The following ADAMTS1 variants were observed in gnomAD, a reference collection of about 807,000 sequenced individuals.
ADAMTS1 encodes the protein ADAM metallopeptidase with thrombospondin type 1 motif 1.
A neutral mutation model predicts 87.9 loss-of-function variants in ADAMTS1; 19 were observed. The ratio of observed to expected loss-of-function variants is 0.22; its 90% CI spans 0.15 to 0.32. ADAMTS1 has a LOEUF of 0.32. ADAMTS1 is among the 10% of genes least tolerant of loss of function. The pLI is 1.00. For synonymous variants in ADAMTS1, 542 were observed against 501.8 expected (o/e 1.08, Z -1.07); for missense variants, 1,240 against 1,259.1 (o/e 0.98, Z 0.23).
chr21:26,837,595 A>G lies in ADAMTS1; in HGVS notation c.2888T>C (p.Met963Thr), dbSNP rs1985393679. The change falls in exon 9 of 9, where the codon ATG becomes ACG. Residue 963 changes from methionine to threonine, a missense_variant. Coordinates refer to ENST00000284984, the MANE Select transcript of ADAMTS1 (RefSeq NM_006988.5). The stretch of plus-strand genomic sequence containing the variant: ...TTAAACCACTTAACTGCATTCTGCC[A>G]TTGTGCAAAAGTCTATGAAATGTTT... ...KPKHFIDFCT[M>T]AECS The G allele has an allele frequency of 1.2e-6, 2 of 1,613,854 alleles. No individual in the cohort carries two copies. Among genetic ancestry groups the G allele is most frequent in the Admixed American group, 1.7e-5 (1 of 59,992 alleles).
In ADAMTS1 at chr21:26,838,094, C is replaced by T. The variant is rs372308008; in HGVS notation, c.2389G>A (p.Val797Ile). Residue 797 changes from valine to isoleucine, a missense_variant, in exon 9 of 9, where the codon GTT becomes ATT. This residue lies in a region of ADAMTS1 where 402 missense variants were observed against 399.1 expected (regional missense o/e 1.01). Transcript: ENST00000284984. ...TLEQDIMYKG[V>I]VLRYSGSSAA... ...GAGGAGCCGCTGTACCTCAAGACAA[C>T]ACCTTTGTACATAATGTCTTGCTCT... 1 of 1,614,162 alleles carries T rather than the reference C, an allele frequency of 6.2e-7. No homozygotes were observed. The highest frequency in any genetic ancestry group is 8.5e-7 in the Non-Finnish European group (1 of 1,180,012).
chr21:26,841,738 A>G lies in ADAMTS1; in HGVS notation c.1210+120T>C, dbSNP rs1601923287. On this transcript the variant is annotated intron_variant, in intron 3 of 8. Transcript: ENST00000284984. ...GAAATAGTGACAAAATATTTTCTATAGTTTCTAAGATGCACTAGGACCTAA... is the reference window on the plus strand; with the variant it reads ...GAAATAGTGACAAAATATTTTCTATGGTTTCTAAGATGCACTAGGACCTAA... 4.4e-6 allele frequency: 5 copies of G among 1,133,990 alleles called. No individual in the cohort carries two copies. In the East Asian group the frequency reaches 1.3e-4, roughly 28 times the overall value. 70.2% of individuals were successfully genotyped at this position (1,133,990 alleles called of 1,614,324 possible).
At chr21:26,844,161 C>G (rs1985556361) in intron 1 of ADAMTS1, 64 bp downstream of exon 1, 1 of 1,500,914 alleles carries the variant, frequency 6.7e-7, no homozygotes, top group Non-Finnish European at 8.9e-7. Flanking sequence ...CCTGAAGTCG[C>G]GTGGGATAGA....
At chr21:26,840,967 C>T in intron 4 of ADAMTS1, 31 bp downstream of exon 4, 1 of 1,589,612 alleles carries the variant, frequency 6.3e-7, no homozygotes, top group South Asian at 1.1e-5. Flanking sequence ...AGGTTGGATG[C>T]CATCTAGAGA....
rs1276424562 is a variant in ADAMTS1 at position 26,845,070 on chromosome 21, T to A, written c.-116A>T. The stretch of plus-strand genomic sequence containing the variant: ...GGATTGTTAAAATTAACAATTTCTA[T>A]TATTCGTTGGAAGGGCGCGCAGAGC... On this transcript the variant is annotated 5_prime_UTR_variant, in exon 1 of 9. Coordinates refer to ENST00000284984, the MANE Select transcript of ADAMTS1 (RefSeq NM_006988.5). 7.8e-7 allele frequency: 1 copy of A among 1,280,822 alleles called. No homozygotes were observed. Among genetic ancestry groups the A allele is most frequent in the Non-Finnish European group, 9.9e-7 (1 of 1,006,078 alleles). 79.3% of individuals were successfully genotyped at this position (1,280,822 alleles called of 1,614,324 possible).
chr21:26,842,465 C>T lies in ADAMTS1; in HGVS notation c.951G>A (p.Lys317=), dbSNP rs1267317157. Residue 317 remains lysine (K), a synonymous_variant, in exon 2 of 9, where the codon AAG becomes AAA. Transcript: ENST00000284984. ...VKILVIHDEQ[K]GPEVTSNAAL... ...CAGCATTGGAGGTCACTTCCGGCCC[C>T]TTCTGTTCATCGTGGATGACCAAGA... The T allele has an allele frequency of 6.2e-7, 1 of 1,613,936 alleles. No individual in the cohort carries two copies. Among genetic ancestry groups the T allele is most frequent in the Admixed American group, 1.7e-5 (1 of 59,996 alleles).
Position 26,837,653 on chromosome 21 carries a change from A to G in ADAMTS1, c.2830T>C (p.Ser944Pro). Residue 944 changes from serine to proline, a missense_variant, in exon 9 of 9, where the codon TCT (serine) becomes CCT (proline). Ser to Pro is a moderately conservative substitution (Grantham distance 74, BLOSUM62 -1). This residue lies in a region of ADAMTS1 where 402 missense variants were observed against 399.1 expected (regional missense o/e 1.01). Coordinates refer to ENST00000284984, the MANE Select transcript of ADAMTS1 (RefSeq NM_006988.5). The stretch of plus-strand genomic sequence containing the variant: ...TTTAAAGGATCACAGCTCTCATGAG[A>G]TAACACCCCTCCATCATGGGACAGA... ...KCLSHDGGVL[S>P]HESCDPLKKP... 1 of 1,614,218 alleles carries G rather than the reference A, an allele frequency of 6.2e-7. No homozygotes were observed. The highest frequency in any genetic ancestry group is 8.5e-7 in the Non-Finnish European group (1 of 1,180,046).
At position 26,842,595 on chromosome 21, in the gene ADAMTS1, TG is replaced by T; in HGVS notation, c.820del (p.His274ThrfsTer5). On this transcript the variant is annotated frameshift_variant, in exon 2 of 9. Transcript: ENST00000284984. LOFTEE classifies it high-confidence loss of function. The part of the protein sequence containing the change: ...LVADQSMAEF[H>X]GSGLKHYLLT... Reference sequence around the variant, plus strand: ...AAGGTAATGCTTTAGACCACTGCCGTGGAATTCTGCCATCGACTGGTCTGCC... The same window carrying T: ...AAGGTAATGCTTTAGACCACTGCCGTGAATTCTGCCATCGACTGGTCTGCC... 1 of 1,613,926 alleles carries T rather than the reference TG, an allele frequency of 6.2e-7. No homozygotes were observed. The highest frequency in any genetic ancestry group is 8.5e-7 in the Non-Finnish European group (1 of 1,179,970).
rs778990884 is a variant in ADAMTS1 at position 26,844,447 on chromosome 21, T to C, written c.508A>G (p.Thr170Ala). ...GGCGGCTTCTCCCCTGGGGCGGCGG[T>C]GGCGAGGCGCTCGCTGGCGGCGGGC... ...PLPAASERLA[T>A]AAPGEKPPAP... The change falls in exon 1 of 9, where the codon ACC becomes GCC. Residue 170 changes from threonine (T) to alanine (A), a missense_variant. This residue lies in a region of ADAMTS1 where 521 missense variants were observed against 449.7 expected (regional missense o/e 1.16). Transcript: ENST00000284984. 23 of 1,587,068 alleles carry C rather than the reference T, an allele frequency of 1.4e-5. No homozygotes were observed. The highest frequency in any genetic ancestry group is 1.4e-4 in the Admixed American group (8 of 57,526).
chr21:26,842,511 A>G lies in ADAMTS1; in HGVS notation c.905T>C (p.Val302Ala). ...LYKHPSIRNS[V>A]SLVVVKILVI... ...CAAGATCTTCACCACCACCAGGCTA[A>G]CTGAATTACGAATGCTGGGGTGTTT... Residue 302 changes from valine (V) to alanine (A), a missense_variant, in exon 2 of 9, where the codon GTT (valine) becomes GCT (alanine). Val to Ala is a moderately conservative substitution (Grantham distance 64, BLOSUM62 0). This residue lies in a region of ADAMTS1 where 521 missense variants were observed against 449.7 expected (regional missense o/e 1.16). Transcript: ENST00000284984. 3 of 1,614,184 alleles carry G rather than the reference A, an allele frequency of 1.9e-6. No homozygotes were observed. Among genetic ancestry groups the G allele is most frequent in the Non-Finnish European group, 2.5e-6 (3 of 1,180,046 alleles).
chr21:26,842,140 C>CT lies in ADAMTS1; in HGVS notation c.1078-151dup, dbSNP rs778968910. On this transcript the variant is annotated intron_variant, in intron 2 of 8. Coordinates refer to ENST00000284984, the MANE Select transcript of ADAMTS1 (RefSeq NM_006988.5). Reference sequence around the variant, plus strand: ...AAGACTTCATGTGACTTTAATCAAGCTTTTTTCTAATGCTTTTAAAATAGA... The same window carrying CT: ...AAGACTTCATGTGACTTTAATCAAGCTTTTTTTCTAATGCTTTTAAAATAGA... The CT allele has an allele frequency of 4.3e-5, 47 of 1,099,356 alleles. No individual in the cohort carries two copies. In the African/African-American group the frequency reaches 7.3e-4, roughly 17 times the overall value. The allele number at this position is 1,099,356 out of a possible 1,614,324, so 68.1% of individuals were successfully genotyped here.
rs147952572 is a variant in ADAMTS1, at chr21:26,838,564, T to G, written c.2079A>C (p.Gln693His). 6.2e-7 allele frequency: 1 copy of G among 1,614,190 alleles called. No individual in the cohort carries two copies. The highest frequency in any genetic ancestry group is 1.7e-5 in the Admixed American group (1 of 60,026). ...CACAACCAGCTTTTACACACTGTCC[T>G]TGCACACAGACAGAGGTGGAATCTG... ...CSPDSTSVCVQGQCVKAGCDR... is the reference protein window; with the variant it reads ...CSPDSTSVCVHGQCVKAGCDR... Residue 693 changes from glutamine (Q) to histidine (H), a missense_variant, in exon 8 of 9, where the codon CAA (glutamine) becomes CAC (histidine). By Grantham distance (24) the Gln-to-His change is conservative. Around this residue, in one of 3 missense-constraint regions of ADAMTS1, gnomAD observed 402 missense variants for 399.1 expected, o/e 1.01. Transcript: ENST00000284984.
At position 26,844,545 on chromosome 21, in the gene ADAMTS1, G is replaced by C. The variant is rs1186729986; in HGVS notation, c.410C>G (p.Ala137Gly). The C allele has an allele frequency of 2.5e-6, 4 of 1,605,714 alleles. No individual in the cohort carries two copies. Among genetic ancestry groups the C allele is most frequent in the Non-Finnish European group, 2.5e-6 (3 of 1,176,728 alleles). The stretch of plus-strand genomic sequence containing the variant: ...CACGCCCTCGCAGAGGCTGAGGGCG[G>C]CAGCCGAGCTGGGATCGCCATTCAC... Reference protein sequence around the residue: ...GTVNGDPSSAAALSLCEGVRG... With the variant: ...GTVNGDPSSAGALSLCEGVRG... The change falls in exon 1 of 9, where the codon GCC (alanine) becomes GGC (glycine). Residue 137 changes from alanine (A) to glycine (G), a missense_variant. Ala to Gly is a moderately conservative substitution (Grantham distance 60). Transcript: ENST00000284984.
At position 26,838,535 on chromosome 21, in the gene ADAMTS1, C is replaced by A; in HGVS notation, c.2108G>T (p.Arg703Leu). ...QGQCVKAGCD[R>L]IIDSKKKFDK... ...AAACTTCTTTTTGGAGTCTATGATG[C>A]GATCACAACCAGCTTTTACACACTG... Residue 703 changes from arginine to leucine, a missense_variant, in exon 8 of 9, where the codon CGC becomes CTC. By Grantham distance (102) the Arg-to-Leu change is moderately radical. This residue lies in a region of ADAMTS1 where 402 missense variants were observed against 399.1 expected (regional missense o/e 1.01). Coordinates refer to ENST00000284984, the MANE Select transcript of ADAMTS1 (RefSeq NM_006988.5). The A allele has an allele frequency of 3.7e-6, 6 of 1,614,068 alleles. No homozygotes were observed. The South Asian group carries it at 6.6e-5, about 18-fold the overall frequency.
intron 1 of ADAMTS1, chr21:26,843,925 A>C (rs1985551201): frequency 1.6e-5 from 8 of 508,114 alleles, no homozygotes; most frequent in South Asian, 1.2e-4. Context: ...CAACTCGCTA[A>C]AGGTGGAAGG....
In ADAMTS1 at chr21:26,845,072, A is replaced by T; in HGVS notation, c.-118T>A. 1.6e-6 allele frequency: 2 copies of T among 1,276,608 alleles called. No homozygotes were observed. The highest frequency in any genetic ancestry group is 2.0e-6 in the Non-Finnish European group (2 of 1,003,002). 79.1% of individuals were successfully genotyped at this position (1,276,608 alleles called of 1,614,324 possible). On this transcript the variant is annotated 5_prime_UTR_variant, in exon 1 of 9. Transcript: ENST00000284984. ...ATTGTTAAAATTAACAATTTCTATT[A>T]TTCGTTGGAAGGGCGCGCAGAGCCG...
At chr21:26,842,871 A>T (rs986017700) in intron 1 of ADAMTS1, 186 bp from the exon 2 acceptor site, 8 of 599,976 alleles carry the variant, frequency 1.3e-5, no homozygotes, top group Non-Finnish European at 2.3e-5. Context: ...CCTCTCCTTT[A>T]AATAAAAAGA....
chr21:26,843,479 C>T (rs1201823307), intron 1 of ADAMTS1: 1 of 461,252 alleles, frequency 2.2e-6, no homozygotes, highest in African/African-American at 2.2e-5. Flanking sequence ...AGTGATGAAA[C>T]AAAAAGAACT....
At chr21:26,838,975 T>A (rs1010955014) in intron 7 of ADAMTS1, 5 of 186,712 alleles carry the variant, frequency 2.7e-5, no homozygotes, top group Non-Finnish European at 5.6e-5. Context: ...GAATATTGAA[T>A]CTGCAACTTG....
Sources: allele counts gnomAD v4.1 joint callset, GRCh38; gene constraint gnomAD v4.1.1; regional missense constraint gnomAD v4.1.1; transcripts MANE v1.5; gene names NCBI Gene and HGNC (gene_info 2026-07-23, HGNC 2026-07-21).